Variants in ADGB observed in about 807,000 individuals in gnomAD.
ADGB encodes the protein calpain-7-like protein.
A neutral mutation model predicts 210.5 loss-of-function variants in ADGB; 172 were observed. That is an observed-to-expected ratio of 0.82 (90% confidence interval 0.72 to 0.93). ADGB has a LOEUF of 0.93. ADGB is among the 40% of genes least tolerant of loss of function. The probability of loss-of-function intolerance (pLI) is 0.00; values close to 1 mark genes in which losing one functional copy is unlikely to be tolerated. For synonymous variants in ADGB, 658 were observed against 662.7 expected, an observed-to-expected ratio of 0.99 and a Z score of 0.11; for missense variants, 2,025 against 1,964.8, an observed-to-expected ratio of 1.03 and a Z score of -0.58.
At position 146,654,198 on chromosome 6, in the gene ADGB, T is replaced by G; in HGVS notation, c.394T>G (p.Cys132Gly). The part of the protein sequence containing the change: ...DLFSANEHLL[C>G]SELMRWIISE... ...ATTTTCAGCAAATGAACATTTACTC[T>G]GCAGCGAGGTATGTACAGAAATATG... Residue 132 changes from cysteine to glycine, a missense_variant, in exon 4 of 36, where the codon TGC becomes GGC. Coordinates refer to ENST00000397944, the MANE Select transcript of ADGB (RefSeq NM_024694.4). 1.3e-6 allele frequency: 2 copies of G among 1,543,940 alleles called. No homozygotes were observed. Among genetic ancestry groups the G allele is most frequent in the Non-Finnish European group, 1.8e-6 (2 of 1,141,442 alleles).
chr6:146,676,587 G>A (rs1776087892), intron 9 of ADGB, 146 bp downstream of exon 9: 2 of 747,148 alleles, frequency 2.7e-6, no homozygotes, highest in Admixed American at 8.5e-5. Context: ...TTCTCAGATG[G>A]GTGGGCGTGT....
At position 146,782,125 on chromosome 6, in the gene ADGB, G is replaced by A. The variant is rs1290921862; in HGVS notation, c.3968G>A (p.Gly1323Asp). The change falls in exon 30 of 36, where the codon GGC becomes GAC. Residue 1323 changes from glycine (G) to aspartate (D), a missense_variant. Physicochemically the swap from Gly to Asp is moderately conservative, Grantham distance 94. Transcript: ENST00000397944. ...SSVTSKTTRK[G>D]KEKSSEKEKT... ...GTAACTTCCAAAACAACAAGGAAAG[G>A]CAAAGAAAAGTCTTCTGAGAAAGAA... is the stretch of plus-strand genomic sequence containing the variant. The A allele has an allele frequency of 7.1e-6, 11 of 1,547,766 alleles. No homozygotes were observed. The African/African-American group carries it at 9.6e-5, about 14-fold the overall frequency.
intron 29 of ADGB, among the ~76,000 whole-genome samples, chr6:146,773,121 G>C (rs1777675407): frequency 6.6e-6 from 1 of 151,566 alleles, no homozygotes; most frequent in Non-Finnish European, 1.5e-5. Context: ...ATCAGAAATG[G>C]TGGGGAGGAA....
At chr6:146,629,294 G>A (rs76708171) in intron 1 of ADGB, among the ~76,000 whole-genome samples, 5,537 of 152,218 alleles carry the variant, frequency 0.036, 332 homozygotes, top group African/African-American at 0.12. Flanking sequence ...AGGAGTTTAC[G>A]TGGTCATTTG....
chr6:146,690,558 C>A lies in ADGB; in HGVS notation c.1312-558C>A, dbSNP rs1234071558. ...CCAAAGCAGACTGGCTTCAGGAGAT[C>A]TAACACTAGAATATGAGAAGTATCT... On this transcript the variant is annotated intron_variant, in intron 10 of 35. Coordinates refer to ENST00000397944, the MANE Select transcript of ADGB (RefSeq NM_024694.4). 2.0e-5 allele frequency among the ~76,000 whole-genome samples: 3 copies of A among 152,012 alleles called. No homozygotes were observed. In the East Asian group the frequency reaches 5.8e-4, roughly 29 times the overall value.
chr6:146,752,863 C>A, intron 27 of ADGB, 149 bp downstream of exon 27: 1 of 678,544 alleles, frequency 1.5e-6, no homozygotes, highest in Non-Finnish European at 2.1e-6. Context: ...ATAGCATTTG[C>A]ATGTCAAATT....
chr6:146,737,107 G>A (rs1370334457), intron 23 of ADGB, among the ~76,000 whole-genome samples: 2 of 151,222 alleles, frequency 1.3e-5, no homozygotes, highest in Admixed American at 6.6e-5. Flanking sequence ...AAAATATGTG[G>A]AACCATACCC....
At chr6:146,806,724 T>C (rs1778217624) in intron 35 of ADGB, among the ~76,000 whole-genome samples, 1 of 152,222 alleles carries the variant, frequency 6.6e-6, no homozygotes. Flanking sequence ...AAGCAATTCA[T>C]TTGGCCACTT....
chr6:146,609,126 G>GT, intron 1 of ADGB, among the ~76,000 whole-genome samples: 1 of 152,178 alleles, frequency 6.6e-6, no homozygotes, highest in Non-Finnish European at 1.5e-5. Flanking sequence ...GTTATTTAAT[G>GT]TTTTTTGTCC....
intron 1 of ADGB, among the ~76,000 whole-genome samples, chr6:146,601,580 T>A (rs1780557563): frequency 1.3e-5 from 2 of 152,226 alleles, no homozygotes; most frequent in Admixed American, 1.3e-4. Flanking sequence ...TTATTTAAAA[T>A]ACACCGGGAG....
intron 28 of ADGB, 61 bp downstream of exon 28, chr6:146,764,161 A>G: frequency 7.3e-7 from 1 of 1,378,106 alleles, no homozygotes; most frequent in South Asian, 1.5e-5. Flanking sequence ...AAACAAAACA[A>G]TCATTTCCCT....
intron 20 of ADGB, among the ~76,000 whole-genome samples, chr6:146,730,992 A>G (rs1056441102): frequency 6.6e-6 from 1 of 152,186 alleles, no homozygotes; most frequent in African/African-American, 2.4e-5. Flanking sequence ...AGAGAGGAAC[A>G]GAGAGAGATA....
At chr6:146,716,528 GCTTGCAGTGA>G (rs1776737289) in intron 14 of ADGB, among the ~76,000 whole-genome samples, 1 of 123,644 alleles carries the variant, frequency 8.1e-6, no homozygotes, top group East Asian at 2.1e-4. Context: ...GGGAAGCGGA[GCTTGCAGTGA>G]GCCGAGATTG....
chr6:146,691,461 A>AATATATATAAAT (rs1776320096), intron 11 of ADGB, among the ~76,000 whole-genome samples, 171 bp downstream of exon 11: 2 of 18,232 alleles, frequency 1.1e-4, no homozygotes, highest in Admixed American at 8.7e-4. Context: ...TATATATAAA[A>AATATATATAAAT]ATATATATAT....
intron 17 of ADGB, among the ~76,000 whole-genome samples, chr6:146,721,843 A>G (rs957742744): frequency 6.6e-6 from 1 of 152,104 alleles, no homozygotes; most frequent in Non-Finnish European, 1.5e-5. Context: ...TCTCTCAAAA[A>G]AAATAAAAAA....
At chr6:146,699,465 C>T (rs548843105) in intron 12 of ADGB, among the ~76,000 whole-genome samples, 24 of 152,194 alleles carry the variant, frequency 1.6e-4, no homozygotes, top group African/African-American at 5.5e-4. Flanking sequence ...TTCACCTTTC[C>T]TCTGTCACTT....
At chr6:146,763,803 T>G in intron 27 of ADGB, 98 bp from the exon 28 acceptor site, 1 of 1,092,982 alleles carries the variant, frequency 9.1e-7, no homozygotes. Flanking sequence ...AATTGACCTA[T>G]TCCTTTGAGT....
chr6:146,605,809 C>A (rs1229324015), intron 1 of ADGB, among the ~76,000 whole-genome samples: 1 of 152,042 alleles, frequency 6.6e-6, no homozygotes, highest in Non-Finnish European at 1.5e-5. Flanking sequence ...TTTAGTTCTC[C>A]CTTTGAAATA....
chr6:146,604,317 C>A (rs988614420), intron 1 of ADGB, among the ~76,000 whole-genome samples: 5 of 152,148 alleles, frequency 3.3e-5, no homozygotes, highest in South Asian at 2.1e-4. Context: ...CAGTCCTCTC[C>A]CAAGTCCACG....
Sources: allele counts gnomAD v4.1 joint callset (sites outside exome capture counted in the v4.1 genomes callset), GRCh38; gene constraint gnomAD v4.1.1; transcripts MANE v1.5; gene names NCBI Gene and HGNC (gene_info 2026-07-23, HGNC 2026-07-21).